The following CABIN1 variants were observed in gnomAD, a reference collection of about 807,000 sequenced individuals.
CABIN1 encodes calcineurin-binding protein cabin-1.
CABIN1 carries 133 observed loss-of-function variants against 227.7 expected under a neutral mutation model. The observed-to-expected ratio is 0.58, with a 90% CI of 0.51 to 0.67. The LOEUF (loss-of-function observed/expected upper bound fraction) is 0.67, where lower values mean the gene tolerates loss of function less well. Among genes scored for constraint, CABIN1 ranks in the 30% least tolerant of loss-of-function variants. The probability of loss-of-function intolerance (pLI) is 0.00; values close to 1 mark genes in which losing one functional copy is unlikely to be tolerated. For synonymous variants in CABIN1, 1,086 were observed against 1,155.1 expected (o/e 0.94, Z 1.21); for missense variants, 2,408 against 2,852.5 (o/e 0.84, Z 3.55).
chr22:24,040,110 GTC>G (rs2037248978), intron 4 of CABIN1, among the ~76,000 whole-genome samples: 1 of 152,218 alleles, frequency 6.6e-6, no homozygotes, highest in African/African-American at 2.4e-5. Context: ...GACTCACTTA[GTC>G]TCTGTAAATT....
At chr22:24,143,197 C>T (rs1335757571) in intron 29 of CABIN1, among the ~76,000 whole-genome samples, 4 of 151,574 alleles carry the variant, frequency 2.6e-5, no homozygotes, top group African/African-American at 9.7e-5. Context: ...GACTGGTAGC[C>T]TCAAGTCAGG....
At chr22:24,111,143 TAAAAC>T (rs746681720) in intron 26 of CABIN1, among the ~76,000 whole-genome samples, 1 of 152,214 alleles carries the variant, frequency 6.6e-6, no homozygotes, top group Non-Finnish European at 1.5e-5. Flanking sequence ...TATTTCCTGA[TAAAAC>T]AAAAGTAGGT....
Position 24,166,997 on chromosome 22 carries a change from G to A in CABIN1, c.5366G>A (p.Gly1789Asp). The A allele has an allele frequency of 1.3e-6, 2 of 1,565,794 alleles. No homozygotes were observed. Among genetic ancestry groups the A allele is most frequent in the Non-Finnish European group, 1.7e-6 (2 of 1,156,062 alleles). ...LLPGRPARDR[G>D]PESRPTELSL... ...CCAGGTCGCCCCGCAAGGGACCGGG[G>A]CCCCGAGAGCCGGCCCACTGAGCTG... The change falls in exon 32 of 37, where the codon GGC becomes GAC. Residue 1789 changes from glycine to aspartate, a missense_variant. This residue lies in a region of CABIN1 where 714 missense variants were observed against 773.8 expected (regional missense o/e 0.92). Transcript: ENST00000263119.
At chr22:24,108,947 T>C (rs188942246) in intron 26 of CABIN1, among the ~76,000 whole-genome samples, 52 of 152,326 alleles carry the variant, frequency 3.4e-4, no homozygotes, top group Admixed American at 2.7e-3. Flanking sequence ...TCTGAAATAA[T>C]AGTATTGATA....
chr22:24,047,150 A>G (rs991505907), intron 6 of CABIN1, among the ~76,000 whole-genome samples: 13 of 152,244 alleles, frequency 8.5e-5, no homozygotes, highest in Admixed American at 2.0e-4. Context: ...AAATAGACAC[A>G]TACAATTAAT....
At chr22:24,095,046 C>T (rs2041804624) in intron 24 of CABIN1, among the ~76,000 whole-genome samples, 1 of 152,196 alleles carries the variant, frequency 6.6e-6, no homozygotes, top group African/African-American at 2.4e-5. Context: ...AATGGAGTTG[C>T]TGGGCCAATT....
At chr22:24,046,523 C>G (rs1164086232) in intron 6 of CABIN1, among the ~76,000 whole-genome samples, 1 of 152,158 alleles carries the variant, frequency 6.6e-6, no homozygotes, top group African/African-American at 2.4e-5. Flanking sequence ...CTTCCTTCCT[C>G]AACTGACTTC....
chr22:24,017,440 C>T (rs755445625), intron 1 of CABIN1, among the ~76,000 whole-genome samples: 10 of 152,176 alleles, frequency 6.6e-5, no homozygotes, highest in Non-Finnish European at 1.0e-4. Context: ...GAACTTTTTT[C>T]ATCTTTTCAA....
intron 35 of CABIN1, among the ~76,000 whole-genome samples, 196 bp downstream of exon 35, chr22:24,176,471 C>T (rs753504755): frequency 2.6e-5 from 4 of 152,130 alleles, no homozygotes; most frequent in East Asian, 3.9e-4. Flanking sequence ...GAGTTTAATG[C>T]GTGGCCCATT....
intron 19 of CABIN1, among the ~76,000 whole-genome samples, chr22:24,081,308 T>C (rs1193316302): frequency 6.6e-6 from 1 of 152,200 alleles, no homozygotes; most frequent in African/African-American, 2.4e-5. Context: ...TGGGGAGTGT[T>C]ATAATAAATT....
intron 34 of CABIN1, 21 bp downstream of exon 34, chr22:24,172,016 G>A (rs1478348228): frequency 6.2e-7 from 1 of 1,603,244 alleles, no homozygotes; most frequent in Non-Finnish European, 8.5e-7. Flanking sequence ...TCCCAGTCCA[G>A]AGCTGGGCCC....
intron 29 of CABIN1, among the ~76,000 whole-genome samples, chr22:24,160,728 C>T (rs945106562): frequency 1.6e-4 from 24 of 152,216 alleles, no homozygotes; most frequent in Admixed American, 1.2e-3. Context: ...GCCTGTTGGC[C>T]GGGAATAGCA....
chr22:24,100,660 C>A (rs1046529762), intron 26 of CABIN1, among the ~76,000 whole-genome samples: 1 of 152,146 alleles, frequency 6.6e-6, no homozygotes, highest in Non-Finnish European at 1.5e-5. Flanking sequence ...TGCTTCTAGC[C>A]CTGGTACAGC....
Position 24,152,823 on chromosome 22 carries a change from G to A in CABIN1, c.4747-11577G>A, listed in dbSNP as rs147655739. Among the ~76,000 whole-genome samples, 980 of 152,240 alleles carry A rather than the reference G, an allele frequency of 6.4e-3. 11 individuals are homozygous for A. The highest frequency in any genetic ancestry group is 0.023 in the African/African-American group (952 of 41,546). On this transcript the variant is annotated intron_variant, in intron 29 of 36. Transcript: ENST00000263119. ...AAATTAGCTGGGCGTGGTGGTGTGT[G>A]CCTGTAATCCCAGCAACTTGGGCGG... is the stretch of plus-strand genomic sequence containing the variant.
chr22:24,062,266 T>C (rs1022856680), intron 13 of CABIN1, among the ~76,000 whole-genome samples: 3 of 151,670 alleles, frequency 2.0e-5, no homozygotes, highest in Non-Finnish European at 4.4e-5. Context: ...TTGAAGGAAG[T>C]GGGATCTCAG....
intron 26 of CABIN1, among the ~76,000 whole-genome samples, chr22:24,106,290 G>C (rs1282243306): frequency 6.6e-6 from 1 of 152,242 alleles, no homozygotes; most frequent in African/African-American, 2.4e-5. Context: ...CTGCAGGTCT[G>C]GTAACCTGAG....
intron 8 of CABIN1, among the ~76,000 whole-genome samples, chr22:24,053,239 G>A (rs1055385560): frequency 3.5e-4 from 53 of 151,496 alleles, no homozygotes; most frequent in African/African-American, 1.2e-3. Flanking sequence ...CACCACGCCC[G>A]GCTAATTTTT....
At chr22:24,045,681 C>T (rs1293879704) in intron 6 of CABIN1, among the ~76,000 whole-genome samples, 1 of 152,096 alleles carries the variant, frequency 6.6e-6, no homozygotes, top group African/African-American at 2.4e-5. Context: ...GTACCACTTT[C>T]TGTCTTAGTT....
In CABIN1 at chr22:24,090,137, G is replaced by C. The variant is rs370296040; in HGVS notation, c.3526-1446G>C. Among the ~76,000 whole-genome samples the C allele has an allele frequency of 3.9e-5, 6 of 152,204 alleles. No homozygotes were observed. In the South Asian group the frequency reaches 1.2e-3, roughly 31 times the overall value. On this transcript the variant is annotated intron_variant, in intron 23 of 36. Coordinates refer to ENST00000263119, the MANE Select transcript of CABIN1 (RefSeq NM_012295.4). Reference sequence around the variant, plus strand: ...TGTGACCTCCACACCACAAGGACAGGGACATTGGCATTGTGCCCTGTATGG... The same window carrying C: ...TGTGACCTCCACACCACAAGGACAGCGACATTGGCATTGTGCCCTGTATGG...
Sources: gnomAD v4.1 joint callset for allele counts (sites outside exome capture counted in the v4.1 genomes callset) on GRCh38, gnomAD v4.1.1 for gene constraint, gnomAD v4.1.1 regional missense constraint, MANE v1.5 for transcripts, NCBI Gene and HGNC (gene_info 2026-07-23, HGNC 2026-07-21) for gene names.